The following RGS6 variants were observed in gnomAD, a reference collection of about 807,000 sequenced individuals.
RGS6 encodes regulator of G-protein signaling 6.
Under a neutral mutation model 78.5 loss-of-function variants are expected in RGS6, and 30 were observed. That is an observed-to-expected ratio of 0.38 (90% confidence interval 0.29 to 0.52). RGS6 has a LOEUF of 0.52. Ranked by LOEUF, RGS6 falls within the 20% of genes least tolerant of loss-of-function variation. RGS6 has a pLI of 0.85. For missense variants in RGS6, 495 were observed against 609.7 expected, an observed-to-expected ratio of 0.81 and a Z score of 1.98; for synonymous variants, 206 against 206.0, an observed-to-expected ratio of 1.00 and a Z score of 0.00.
intron 2 of RGS6, among the ~76,000 whole-genome samples, chr14:72,083,639 G>T (rs548479185): frequency 2.2e-4 from 33 of 152,114 alleles, no homozygotes; most frequent in African/African-American, 8.0e-4. Flanking sequence ...TCGGATTTGT[G>T]GGTTTTAGGC....
chr14:72,453,899 C>T (rs4903024), intron 3 of RGS6, among the ~76,000 whole-genome samples: 36,468 of 152,036 alleles, frequency 0.24, 5,474 homozygotes, highest in East Asian at 0.54. Flanking sequence ...TAAGGAGAGC[C>T]ATGTAGGAGT....
At chr14:72,116,761 C>T (rs1041437508) in intron 2 of RGS6, among the ~76,000 whole-genome samples, 4 of 151,752 alleles carry the variant, frequency 2.6e-5, no homozygotes, top group South Asian at 2.1e-4. Flanking sequence ...GTTAGGAGTT[C>T]GAAACCAGCC....
intron 2 of RGS6, among the ~76,000 whole-genome samples, chr14:71,994,311 C>G (rs1335310769): frequency 1.3e-5 from 2 of 152,132 alleles, no homozygotes; most frequent in Admixed American, 1.3e-4. Context: ...AGCAGTTTCT[C>G]TCCTCCTCTT....
At chr14:71,986,883 A>G (rs1227910394) in intron 2 of RGS6, among the ~76,000 whole-genome samples, 2 of 152,064 alleles carry the variant, frequency 1.3e-5, no homozygotes, top group Admixed American at 6.6e-5. Context: ...ATAGCCCCAC[A>G]TCAGTCCCAC....
Position 72,465,904 on chromosome 14 carries a change from TCTTTTGTCCCC to T in RGS6, c.459+93_459+103del, listed in dbSNP as rs1042664485. The T allele has an allele frequency of 6.0e-6, 7 of 1,161,102 alleles. No individual in the cohort carries two copies. In the African/African-American group the frequency reaches 7.8e-5, roughly 13 times the overall value. The allele number at this position is 1,161,102 out of a possible 1,614,324, so 71.9% of individuals were successfully genotyped here. A position where few individuals can be genotyped will look rare whatever the true frequency, so the allele number is the denominator to read the frequency against. On this transcript the variant is annotated intron_variant, in intron 7 of 17. Coordinates refer to ENST00000553525, the MANE Select transcript of RGS6 (RefSeq NM_001204424.2). The stretch of plus-strand genomic sequence containing the variant: ...GCTCCGTCTAAGTTTATTTTTTTTT[TCTTTTGTCCCC>T]CTTTTGTCCCTTTCAGACAGTGGAA...
rs149589673 is a variant in RGS6, at chr14:72,289,816, G to A, written c.85-62279G>A. ...GTACATTATCTCATGTGGACAGGTG[G>A]TTATGACTTTATAAACTAAGAAAAT... On this transcript the variant is annotated intron_variant, in intron 2 of 17. Transcript: ENST00000553525. 2.0e-5 allele frequency among the ~76,000 whole-genome samples: 3 copies of A among 152,252 alleles called. No homozygotes were observed. The East Asian group carries it at 5.8e-4, about 29-fold the overall frequency.
intron 2 of RGS6, among the ~76,000 whole-genome samples, chr14:71,974,202 AAAAT>A (rs2093983717): frequency 6.6e-6 from 1 of 152,208 alleles, no homozygotes; most frequent in South Asian, 2.1e-4. Context: ...TGGAGAAAAA[AAAAT>A]AAAAGCGAAT....
intron 2 of RGS6, among the ~76,000 whole-genome samples, chr14:72,308,366 T>C (rs987730727): frequency 1.3e-5 from 2 of 152,194 alleles, no homozygotes; most frequent in Non-Finnish European, 2.9e-5. Context: ...CAAAGCCCCC[T>C]GTGATCATCT....
intron 3 of RGS6, among the ~76,000 whole-genome samples, chr14:72,378,081 C>T (rs180715116): frequency 6.6e-6 from 1 of 152,098 alleles, no homozygotes; most frequent in Non-Finnish European, 1.5e-5. Context: ...TATACAAATA[C>T]ACAAAAAGTA....
intron 2 of RGS6, among the ~76,000 whole-genome samples, chr14:72,324,154 T>G (rs1402297053): frequency 6.6e-6 from 1 of 152,148 alleles, no homozygotes; most frequent in Non-Finnish European, 1.5e-5. Flanking sequence ...CTCTATATCC[T>G]AACAACCAGG....
At chr14:72,491,626 G>A (rs577846442) in intron 12 of RGS6, among the ~76,000 whole-genome samples, 1 of 152,234 alleles carries the variant, frequency 6.6e-6, no homozygotes, top group South Asian at 2.1e-4. Context: ...TGGTCAGCGA[G>A]TACAAGGTAT....
rs539047795 is a variant in RGS6 at position 71,992,070 on chromosome 14, AC to A, written c.84+27198del. ...GAGTGAGACAGAGTCTTACTCTGTC[AC>A]CCAGGCTGGAGTGCAGTGGCATGAT... is the stretch of plus-strand genomic sequence containing the variant. On this transcript the variant is annotated intron_variant, in intron 2 of 17. Coordinates refer to ENST00000553525, the MANE Select transcript of RGS6 (RefSeq NM_001204424.2). Among the ~76,000 whole-genome samples the A allele has an allele frequency of 2.8e-4, 41 of 145,250 alleles. 1 individual carries two copies. In the South Asian group the frequency reaches 8.9e-3, roughly 32 times the overall value.
At chr14:72,082,395 T>C (rs2094861720) in intron 2 of RGS6, among the ~76,000 whole-genome samples, 1 of 152,118 alleles carries the variant, frequency 6.6e-6, no homozygotes, top group Non-Finnish European at 1.5e-5. Context: ...TTTTTATTTG[T>C]AGCTATTGAA....
the RGS6 span, among the ~76,000 whole-genome samples, chr14:71,875,518 A>G: frequency 6.6e-6 from 1 of 151,970 alleles, no homozygotes. Context: ...TATTGTGTCT[A>G]TTTGATTCTT....
chr14:72,265,191 T>A (rs1474167531), intron 2 of RGS6, among the ~76,000 whole-genome samples: 7 of 152,180 alleles, frequency 4.6e-5, no homozygotes, highest in Non-Finnish European at 1.0e-4. Context: ...TGGATTTGAT[T>A]GAATTAGTGG....
At chr14:72,375,916 T>G (rs1191719436) in intron 3 of RGS6, among the ~76,000 whole-genome samples, 1 of 152,138 alleles carries the variant, frequency 6.6e-6, no homozygotes, top group African/African-American at 2.4e-5. Flanking sequence ...AGGTGACTGT[T>G]TCATCAGATG....
intron 15 of RGS6, among the ~76,000 whole-genome samples, chr14:72,521,494 A>G (rs1053030838): frequency 1.6e-4 from 25 of 152,242 alleles, no homozygotes; most frequent in African/African-American, 5.8e-4. Context: ...TCCAACCTAC[A>G]GTGCTCTACC....
chr14:71,869,903 C>CT, the RGS6 span, among the ~76,000 whole-genome samples: 2 of 152,198 alleles, frequency 1.3e-5, no homozygotes, highest in African/African-American at 4.8e-5. Flanking sequence ...TGCCCTCTCT[C>CT]TTTCTGCCCT....
intron 2 of RGS6, among the ~76,000 whole-genome samples, chr14:72,141,547 C>T (rs981816508): frequency 6.6e-6 from 1 of 152,120 alleles, no homozygotes; most frequent in African/African-American, 2.4e-5. Flanking sequence ...GAGAGAAATA[C>T]GTTCCTTATA....
Sources: gnomAD v4.1 joint callset for allele counts (sites outside exome capture counted in the v4.1 genomes callset) on GRCh38, gnomAD v4.1.1 for gene constraint, MANE v1.5 for transcripts, NCBI Gene and HGNC (gene_info 2026-07-23, HGNC 2026-07-21) for gene names.